Variants in COL5A1 observed in about 807,000 individuals in gnomAD.
COL5A1 encodes the protein collagen alpha-1(V) chain.
In COL5A1, 16 loss-of-function variants were observed where a neutral mutation model predicts 263.7. That is an observed-to-expected ratio of 0.06 (90% CI 0.04 to 0.09). The LOEUF (loss-of-function observed/expected upper bound fraction) is 0.09, where lower values mean the gene tolerates loss of function less well. Ranked by LOEUF, COL5A1 falls within the 10% of genes least tolerant of loss-of-function variation. COL5A1 has a pLI of 1.00. For missense variants in COL5A1, 2,036 were observed against 2,540.5 expected, an observed-to-expected ratio of 0.80 and a Z score of 4.27; for synonymous variants, 1,012 against 1,004.5, an observed-to-expected ratio of 1.01 and a Z score of -0.14.
chr9:134,840,724 G>T (rs1394230518), intron 65 of COL5A1, among the ~76,000 whole-genome samples: 3 of 152,188 alleles, frequency 2.0e-5, no homozygotes, highest in Admixed American at 2.0e-4. Flanking sequence ...TGCTGGCAAG[G>T]CAGGCTCTGG....
At chr9:134,735,806 G>T (rs1835075336) in intron 9 of COL5A1, among the ~76,000 whole-genome samples, 1 of 152,240 alleles carries the variant, frequency 6.6e-6, no homozygotes, top group East Asian at 1.9e-4. Context: ...AGCTCTCTGT[G>T]TACAGCACAC....
At chr9:134,805,871 G>A (rs375822010) in intron 41 of COL5A1, among the ~76,000 whole-genome samples, 24 of 150,618 alleles carry the variant, frequency 1.6e-4, no homozygotes, top group African/African-American at 5.3e-4. Flanking sequence ...GGGCCCTGGA[G>A]GAGAGAGGGT....
At chr9:134,656,269 C>T (rs191660643) in intron 1 of COL5A1, among the ~76,000 whole-genome samples, 3 of 152,182 alleles carry the variant, frequency 2.0e-5, no homozygotes, top group African/African-American at 7.2e-5. Context: ...AGGGTGGGGG[C>T]CTGTGCCTCC....
In COL5A1 at chr9:134,821,244, CTGTTTGCTCACCT is replaced by C. The variant is rs997744058; in HGVS notation, c.4555-852_4555-840del. Among the ~76,000 whole-genome samples, 7 of 152,102 alleles carry C rather than the reference CTGTTTGCTCACCT, an allele frequency of 4.6e-5. No homozygotes were observed. Among genetic ancestry groups the C allele is most frequent in the African/African-American group, 1.7e-4 (7 of 41,414 alleles). On this transcript the variant is annotated intron_variant, in intron 58 of 65. Coordinates refer to ENST00000371817, the MANE Select transcript of COL5A1 (RefSeq NM_000093.5). The surrounding 1 kb of genome is among the most constrained non-coding windows in gnomAD (Gnocchi z 4.2). ...CGGGGAAAGCACCCCTGTGTCCACC[CTGTTTGCTCACCT>C]GCCCTCACCCCAAACCATGGTCTTG...
At chr9:134,833,016 A>C (rs1839706690) in intron 64 of COL5A1, 1 of 152,306 alleles carries the variant, frequency 6.6e-6, no homozygotes, top group Non-Finnish European at 1.5e-5. Flanking sequence ...GGCAGGGTCC[A>C]AAACACACCA....
intron 13 of COL5A1, among the ~76,000 whole-genome samples, chr9:134,752,233 A>C (rs1835806908): frequency 1.3e-5 from 2 of 151,062 alleles, no homozygotes; most frequent in African/African-American, 5.0e-5. Flanking sequence ...CCCTATGCCC[A>C]GAGTAAGAGG....
rs1168822495 is a variant in COL5A1 at position 134,677,965 on chromosome 9, C to T, written c.110-12947C>T. On this transcript the variant is annotated intron_variant, in intron 1 of 65. Coordinates refer to ENST00000371817, the MANE Select transcript of COL5A1 (RefSeq NM_000093.5). This position sits in a 1 kb window ranked among gnomAD's most constrained non-coding sequence, Gnocchi z 4.4. Reference sequence around the variant, plus strand: ...CCATAGCTTGGGTATGGAGGGCCTCCTCTCCATGCAAGGCCTCCTATGGTC... The same window carrying T: ...CCATAGCTTGGGTATGGAGGGCCTCTTCTCCATGCAAGGCCTCCTATGGTC... 6.6e-6 allele frequency among the ~76,000 whole-genome samples: 1 copy of T among 152,172 alleles called. No individual in the cohort carries two copies. Among genetic ancestry groups the T allele is most frequent in the African/African-American group, 2.4e-5 (1 of 41,430 alleles).
intron 7 of COL5A1, among the ~76,000 whole-genome samples, chr9:134,730,891 G>C (rs1834854938): frequency 6.6e-6 from 1 of 152,206 alleles, no homozygotes; most frequent in African/African-American, 2.4e-5. Flanking sequence ...CAGCGAAGCA[G>C]GAGCTGGGGC....
intron 4 of COL5A1, among the ~76,000 whole-genome samples, chr9:134,725,409 G>T (rs1278839017): frequency 6.6e-6 from 1 of 152,188 alleles, no homozygotes; most frequent in Admixed American, 6.5e-5. Flanking sequence ...CGTCATCACT[G>T]TCATTACTAT....
intron 1 of COL5A1, among the ~76,000 whole-genome samples, chr9:134,655,526 G>T (rs1206451151): frequency 6.6e-6 from 1 of 152,102 alleles, no homozygotes; most frequent in Non-Finnish European, 1.5e-5. Context: ...AATAATACCT[G>T]TCTCACAGGC....
rs538627570 is a variant in COL5A1 at position 134,837,801 on chromosome 9, C to T, written c.5370+2597C>T. ...CAGAAACACTCCCCACGTCCGAATG[C>T]GAACCACCAATACAAGTGTTCCCTT... On this transcript the variant is annotated intron_variant, in intron 65 of 65. Coordinates refer to ENST00000371817, the MANE Select transcript of COL5A1 (RefSeq NM_000093.5). Among the ~76,000 whole-genome samples the T allele has an allele frequency of 6.6e-5, 10 of 152,228 alleles. No homozygotes were observed. In the East Asian group the frequency reaches 1.2e-3, roughly 18 times the overall value.
At chr9:134,823,076 G>A in intron 60 of COL5A1, 43 bp downstream of exon 60, 1 of 1,611,622 alleles carries the variant, frequency 6.2e-7, no homozygotes, top group African/African-American at 1.3e-5. Context: ...CTGGAAGGTA[G>A]GGGAGGGCGA....
rs1320698240 is a variant in COL5A1 at position 134,686,403 on chromosome 9, C to T, written c.110-4509C>T. Among the ~76,000 whole-genome samples, 1 of 152,130 alleles carries T rather than the reference C, an allele frequency of 6.6e-6. No homozygotes were observed. Among genetic ancestry groups the T allele is most frequent in the Non-Finnish European group, 1.5e-5 (1 of 68,028 alleles). Reference sequence around the variant, plus strand: ...CAGTAGCTGGGATCACAGGTGCATGCCACCAAGCCCAGCTAATTTTTGTAT... The same window carrying T: ...CAGTAGCTGGGATCACAGGTGCATGTCACCAAGCCCAGCTAATTTTTGTAT... On this transcript the variant is annotated intron_variant, in intron 1 of 65. Transcript: ENST00000371817. This position sits in a 1 kb window ranked among gnomAD's most constrained non-coding sequence, Gnocchi z 4.6.
chr9:134,683,306 G>GA (rs1046742172), intron 1 of COL5A1, among the ~76,000 whole-genome samples: 1 of 152,084 alleles, frequency 6.6e-6, no homozygotes, highest in African/African-American at 2.4e-5. Flanking sequence ...CTGCCCTTGG[G>GA]AAAAAAGTGG....
intron 4 of COL5A1, among the ~76,000 whole-genome samples, chr9:134,723,387 G>A (rs532281355): frequency 7.2e-5 from 11 of 152,314 alleles, no homozygotes; most frequent in African/African-American, 2.6e-4. Flanking sequence ...CATGCTCTGG[G>A]CCTGATGCCT....
rs1385009367 is a variant in COL5A1, at chr9:134,801,939, ACT to A, written c.2953-8_2953-7del. ...CCACTGCAGCACCGTCAGTGCAGTG[ACT>A]CTCTCTTCACAGGGTTTCCAAGGCA... On this transcript the variant is annotated splice_polypyrimidine_tract_variant and intron_variant, in intron 37 of 65. Coordinates refer to ENST00000371817, the MANE Select transcript of COL5A1 (RefSeq NM_000093.5). 1.9e-6 allele frequency: 3 copies of A among 1,612,426 alleles called. No homozygotes were observed. The highest frequency in any genetic ancestry group is 2.7e-5 in the African/African-American group (2 of 74,830).
Position 134,761,403 on chromosome 9 carries a change from C to T in COL5A1, c.1936-522C>T, listed in dbSNP as rs140167623. The stretch of plus-strand genomic sequence containing the variant: ...CCTTGAGAAGGGGCTTGGCTGTTGC[C>T]ATTTATCCAAAGCTGCTACATGTAT... On this transcript the variant is annotated intron_variant, in intron 18 of 65. Coordinates refer to ENST00000371817, the MANE Select transcript of COL5A1 (RefSeq NM_000093.5). Among the ~76,000 whole-genome samples the T allele has an allele frequency of 8.8e-3, 1,346 of 152,342 alleles. 26 individuals carry two copies. Among genetic ancestry groups the T allele is most frequent in the African/African-American group, 0.03 (1,261 of 41,574 alleles).
chr9:134,732,017 TC>T (rs1834901458), intron 8 of COL5A1, 53 bp from the exon 9 acceptor site: 1 of 1,601,018 alleles, frequency 6.2e-7, no homozygotes. Context: ...ATCTGGACTT[TC>T]TTTCTCACTT....
chr9:134,686,452 A>G lies in COL5A1; in HGVS notation c.110-4460A>G, dbSNP rs761161947. On this transcript the variant is annotated intron_variant, in intron 1 of 65. Transcript: ENST00000371817. The surrounding 1 kb of genome is among the most constrained non-coding windows in gnomAD (Gnocchi z 4.6). ...ATTTATGTAGAGACGGGGTTTTACC[A>G]TGTTGCCCAGGTTGATCTCCAACTC... Among the ~76,000 whole-genome samples the G allele has an allele frequency of 6.6e-6, 1 of 152,038 alleles. No individual in the cohort carries two copies. The highest frequency in any genetic ancestry group is 2.4e-5 in the African/African-American group (1 of 41,388).
Sources: allele counts gnomAD v4.1 joint callset (sites outside exome capture counted in the v4.1 genomes callset), GRCh38; gene constraint gnomAD v4.1.1; non-coding constraint Gnocchi (gnomAD v3.1); transcripts MANE v1.5; gene names NCBI Gene and HGNC (gene_info 2026-07-23, HGNC 2026-07-21).